MBOAT7: variants seen among roughly 807,000 people sequenced by gnomAD.
MBOAT7 encodes the protein membrane-bound acylglycerophosphatidylinositol O-acyltransferase MBOAT7.
A neutral mutation model predicts 47.4 loss-of-function variants in MBOAT7; 40 were observed. The ratio of observed to expected loss-of-function variants is 0.84; its 90% CI spans 0.66 to 1.10. The LOEUF is 1.10. Ranked by LOEUF, MBOAT7 falls within the 50% of genes least tolerant of loss-of-function variation. The probability of loss-of-function intolerance (pLI) is 0.00; values close to 1 mark genes in which losing one functional copy is unlikely to be tolerated. For synonymous variants in MBOAT7, 361 were observed against 292.0 expected (o/e 1.24, Z -2.41); for missense variants, 680 against 655.6 (o/e 1.04, Z -0.41).
chr19:54,188,919 A>T (rs2076543484), intron 1 of MBOAT7, among the ~76,000 whole-genome samples: 3 of 151,422 alleles, frequency 2.0e-5, no homozygotes, highest in African/African-American at 7.3e-5. Context: ...TTCCTCTTCG[A>T]CAGCCCAGGA....
chr19:54,183,495 A>G, intron 5 of MBOAT7, 26 bp downstream of exon 5: 1 of 1,601,446 alleles, frequency 6.2e-7, no homozygotes, highest in Non-Finnish European at 8.5e-7. Context: ...ACAGAGCGGC[A>G]GAGTTGTTAG....
rs371451522 is a variant in MBOAT7, at chr19:54,176,994, C to T, written c.1031+1771G>A. 1.0e-3 allele frequency among the ~76,000 whole-genome samples: 156 copies of T among 151,924 alleles called. 1 individual carries two copies. Among genetic ancestry groups the T allele is most frequent in the African/African-American group, 1.4e-3 (58 of 41,432 alleles). On this transcript the variant is annotated intron_variant, in intron 7 of 7. Coordinates refer to ENST00000245615, the MANE Select transcript of MBOAT7 (RefSeq NM_024298.5). ...CCCAGCACGTTGGGAGGCCGAGGCA[C>T]GCGGATCACTTGAGGCCAAGAGTTC...
At chr19:54,183,011 ATATT>A (rs2076331254) in intron 5 of MBOAT7, among the ~76,000 whole-genome samples, 1 of 151,672 alleles carries the variant, frequency 6.6e-6, no homozygotes, top group Non-Finnish European at 1.5e-5. Context: ...CTTTAATTTT[ATATT>A]TATTTATTTT....
Position 54,178,954 on chromosome 19 carries a change from G to A in MBOAT7, c.855-13C>T, listed in dbSNP as rs746276330. The stretch of plus-strand genomic sequence containing the variant: ...CGCCTTCTCCGGACTGGGGGGTGGA[G>A]GATGAGGGTGGGGGACAGACATGCA... On this transcript the variant is annotated splice_polypyrimidine_tract_variant and intron_variant, in intron 6 of 7. Coordinates refer to ENST00000245615, the MANE Select transcript of MBOAT7 (RefSeq NM_024298.5). 1.2e-6 allele frequency: 2 copies of A among 1,611,696 alleles called. No homozygotes were observed. The highest frequency in any genetic ancestry group is 1.1e-5 in the South Asian group (1 of 91,000).
At chr19:54,178,323 T>C (rs1350725123) in intron 7 of MBOAT7, 1 of 1,043,546 alleles carries the variant, frequency 9.6e-7, no homozygotes, top group Non-Finnish European at 1.2e-6. Flanking sequence ...CGCACTTACC[T>C]GTCAGGCCTC....
chr19:54,176,795 G>C (rs1489550778), intron 7 of MBOAT7, among the ~76,000 whole-genome samples: 2 of 152,102 alleles, frequency 1.3e-5, no homozygotes, highest in Admixed American at 1.3e-4. Flanking sequence ...GCTCATGCTT[G>C]TAATCTCAGC....
At chr19:54,178,589 T>C in intron 7 of MBOAT7, 176 bp downstream of exon 7, 1 of 1,428,370 alleles carries the variant, frequency 7.0e-7, no homozygotes, top group Non-Finnish European at 9.1e-7. Flanking sequence ...GGGGAACGAT[T>C]TTACACCGGC....
chr19:54,174,158 G>A lies in MBOAT7; in HGVS notation c.1305C>T (p.Phe435=), dbSNP rs1162490551. 1 of 1,600,352 alleles carries A rather than the reference G, an allele frequency of 6.2e-7. No individual in the cohort carries two copies. The highest frequency in any genetic ancestry group is 1.7e-5 in the Admixed American group (1 of 57,144). ...CCAGCCCCAGGGCTGCCAGGGCCAG[G>A]AAGTGGATACAGAAGTAGATGGAGG... ...YWASIYFCIH[F]LALAALGLGL... The change falls in exon 8 of 8, where the codon TTC becomes TTT. Residue 435 remains phenylalanine (F), a synonymous_variant. Transcript: ENST00000245615.
chr19:54,181,213 T>C, intron 5 of MBOAT7, 80 bp from the exon 6 acceptor site: 3 of 1,421,432 alleles, frequency 2.1e-6, no homozygotes, highest in East Asian at 2.6e-5. Context: ...ACAGGGAGCT[T>C]GGAAGGAAGG....
chr19:54,173,882 G>T lies in MBOAT7; in HGVS notation c.*162C>A. The T allele has an allele frequency of 2.4e-6, 2 of 830,670 alleles. No homozygotes were observed. Among genetic ancestry groups the T allele is most frequent in the Non-Finnish European group, 3.6e-6 (2 of 559,216 alleles). 51.5% of individuals were successfully genotyped at this position (830,670 alleles called of 1,614,324 possible). A position where few individuals can be genotyped will look rare whatever the true frequency, so the allele number is the denominator to read the frequency against. Reference sequence around the variant, plus strand: ...TGGCCTCTGGGCAGAGGGCAGGGAGGACACCCCCGGGTCTGCTTCAGTTGC... The same window carrying T: ...TGGCCTCTGGGCAGAGGGCAGGGAGTACACCCCCGGGTCTGCTTCAGTTGC... On this transcript the variant is annotated 3_prime_UTR_variant, in exon 8 of 8. Transcript: ENST00000245615.
chr19:54,179,149 T>C lies in MBOAT7; in HGVS notation c.855-208A>G. On this transcript the variant is annotated intron_variant, in intron 6 of 7. Coordinates refer to ENST00000245615, the MANE Select transcript of MBOAT7 (RefSeq NM_024298.5). ...AAGGTGGGTGGGCTGGGTGGTACAG[T>C]CCACTGACAATGGGGTTCTTCTTCT... The C allele has an allele frequency of 4.7e-6, 3 of 632,384 alleles. No individual in the cohort carries two copies. In the South Asian group the frequency reaches 6.0e-5, roughly 13 times the overall value. 39.2% of individuals were successfully genotyped at this position (632,384 alleles called of 1,614,324 possible).
At position 54,188,467 on chromosome 19, in the gene MBOAT7, G is replaced by C. The variant is rs1410363719; in HGVS notation, c.42C>G (p.Ile14Met). The change falls in exon 2 of 8, where the codon ATC becomes ATG. Residue 14 changes from isoleucine (I) to methionine (M), a missense_variant. Transcript: ENST00000245615. ...TAAAGAGGAAGCCGATGGGGATGGA[G>C]ATAAGAAGAACCACTAGATACGTCC... Reference protein sequence around the residue: ...EEWTYLVVLLISIPIGFLFKK... With the variant: ...EEWTYLVVLLMSIPIGFLFKK... 1 of 1,556,378 alleles carries C rather than the reference G, an allele frequency of 6.4e-7. No homozygotes were observed. Among genetic ancestry groups the C allele is most frequent in the South Asian group, 1.2e-5 (1 of 84,952 alleles).
At position 54,183,576 on chromosome 19, in the gene MBOAT7, C is replaced by A; in HGVS notation, c.438G>T (p.Val146=). 1 of 1,608,752 alleles carries A rather than the reference C, an allele frequency of 6.2e-7. No homozygotes were observed. Residue 146 remains valine, a synonymous_variant, in exon 5 of 8, where the codon GTG becomes GTT. Transcript: ENST00000245615. ...KGPTLGLLPD[V]PSLMETLSYS... is the part of the protein sequence containing the mutation. ...AGCTGAGTGTCTCCATCAGGGAGGG[C>A]ACGTCGGGCAGCAGCCCCAGGGTGG...
chr19:54,179,264 T>C, intron 6 of MBOAT7: 1 of 430,346 alleles, frequency 2.3e-6, no homozygotes, highest in East Asian at 3.8e-5. Context: ...CCAAGCTCAG[T>C]ATATTCAGAG....
chr19:54,183,787 G>A (rs1394228527), intron 4 of MBOAT7, 107 bp from the exon 5 acceptor site: 11 of 1,161,836 alleles, frequency 9.5e-6, no homozygotes, highest in Non-Finnish European at 1.3e-5. Context: ...CTGGGTGCCC[G>A]CAGCTCTGCC....
At chr19:54,174,488 C>G in intron 7 of MBOAT7, 57 bp from the exon 8 acceptor site, 1 of 1,457,954 alleles carries the variant, frequency 6.9e-7, no homozygotes, top group Non-Finnish European at 9.0e-7. Context: ...TGCCCACTGC[C>G]CCCAGATCCA....
intron 7 of MBOAT7, chr19:54,178,446 ACTC>A (rs2076170260): frequency 3.9e-6 from 5 of 1,297,100 alleles, no homozygotes; most frequent in South Asian, 2.5e-5. Context: ...AGGTCAACTA[ACTC>A]CTCAAGGTTT....
chr19:54,188,826 C>G (rs1568832486), intron 1 of MBOAT7, among the ~76,000 whole-genome samples: 1 of 152,144 alleles, frequency 6.6e-6, no homozygotes, highest in Non-Finnish European at 1.5e-5. Flanking sequence ...GAAATCAAAG[C>G]TACTCCCCGC....
intron 5 of MBOAT7, among the ~76,000 whole-genome samples, chr19:54,181,574 C>T (rs1003625428): frequency 7.6e-6 from 1 of 132,012 alleles, no homozygotes; most frequent in African/African-American, 2.8e-5. Flanking sequence ...TCGTTTGAGC[C>T]CAGGCTGCAG....
Sources: allele counts gnomAD v4.1 joint callset (sites outside exome capture counted in the v4.1 genomes callset), GRCh38; gene constraint gnomAD v4.1.1; transcripts MANE v1.5; gene names NCBI Gene and HGNC (gene_info 2026-07-23, HGNC 2026-07-21).